The following VAV2 variants were observed in gnomAD, a reference collection of about 807,000 sequenced individuals.
VAV2 encodes the protein vav guanine nucleotide exchange factor 2.
Under a neutral mutation model 132.5 loss-of-function variants are expected in VAV2, and 67 were observed. The observed-to-expected ratio is 0.51, with a 90% CI of 0.42 to 0.62. The LOEUF (loss-of-function observed/expected upper bound fraction) is 0.62. Among genes scored for constraint, VAV2 ranks in the 20% least tolerant of loss-of-function variants. VAV2 has a pLI of 0.00. For missense variants in VAV2, 938 were observed against 1,153.6 expected (o/e 0.81, Z 2.71); for synonymous variants, 492 against 443.5 (o/e 1.11, Z -1.37).
intron 1 of VAV2, among the ~76,000 whole-genome samples, chr9:133,941,691 C>T (rs553609507): frequency 4.0e-4 from 59 of 149,144 alleles, no homozygotes; most frequent in African/African-American, 1.4e-3. Flanking sequence ...CAACCTCTGC[C>T]TCCCAGGTTC....
intron 4 of VAV2, among the ~76,000 whole-genome samples, chr9:133,818,227 A>G (rs555094631): frequency 4.9e-4 from 74 of 152,232 alleles, no homozygotes; most frequent in South Asian, 4.6e-3. Flanking sequence ...TTAGCCAGGC[A>G]TGGTGGCGGG....
At chr9:133,797,994 G>A (rs899172790) in intron 9 of VAV2, among the ~76,000 whole-genome samples, 185 bp from the exon 10 acceptor site, 7 of 152,176 alleles carry the variant, frequency 4.6e-5, no homozygotes, top group African/African-American at 7.2e-5. Flanking sequence ...CGAAGCTACC[G>A]GGCCGCAGGA....
At position 133,918,890 on chromosome 9, in the gene VAV2, C is replaced by T. The variant is rs1294761629; in HGVS notation, c.321+20213G>A. Among the ~76,000 whole-genome samples the T allele has an allele frequency of 6.6e-6, 1 of 152,128 alleles. No individual in the cohort carries two copies. The highest frequency in any genetic ancestry group is 1.5e-5 in the Non-Finnish European group (1 of 68,026). On this transcript the variant is annotated intron_variant, in intron 2 of 29. Coordinates refer to ENST00000371850, the MANE Select transcript of VAV2 (RefSeq NM_001134398.2). The surrounding 1 kb of genome is among the most constrained non-coding windows in gnomAD (Gnocchi z 4.7). Reference sequence around the variant, plus strand: ...TCCTGGGTTCAAGCGATTCCCCTACCTCAGCCTCCCAAGTAGCTGGGATTA... The same window carrying T: ...TCCTGGGTTCAAGCGATTCCCCTACTTCAGCCTCCCAAGTAGCTGGGATTA...
chr9:133,784,888 G>A (rs1177162108), intron 17 of VAV2, among the ~76,000 whole-genome samples: 2 of 152,160 alleles, frequency 1.3e-5, no homozygotes, highest in Admixed American at 1.3e-4. Flanking sequence ...GTGGGGTGGG[G>A]TGACGCGGAT....
chr9:133,837,059 C>G (rs906430818), intron 3 of VAV2, among the ~76,000 whole-genome samples: 4 of 152,184 alleles, frequency 2.6e-5, no homozygotes, highest in Non-Finnish European at 5.9e-5. Flanking sequence ...GAACCCTAGG[C>G]CCACAGCCTG....
chr9:133,770,785 C>T (rs1054165094), intron 26 of VAV2, among the ~76,000 whole-genome samples: 3 of 152,226 alleles, frequency 2.0e-5, no homozygotes, highest in Admixed American at 6.5e-5. Flanking sequence ...AATGGAAACA[C>T]TCTGTACCCA....
rs552842053 is a variant in VAV2, at chr9:133,885,020, C to T, written c.322-23588G>A. On this transcript the variant is annotated intron_variant, in intron 2 of 29. Transcript: ENST00000371850. This position sits in a 1 kb window ranked among gnomAD's most constrained non-coding sequence, Gnocchi z 5.0. ...AAAGATAATGCCAAAGGCTCCACTT[C>T]CAGGCCGATGACACCATCTGAGCCA... Among the ~76,000 whole-genome samples the T allele has an allele frequency of 1.2e-4, 18 of 152,348 alleles. No individual in the cohort carries two copies. The East Asian group carries it at 3.3e-3, about 28-fold the overall frequency.
intron 2 of VAV2, among the ~76,000 whole-genome samples, chr9:133,910,646 T>TAAA (rs377220826): frequency 1.4e-5 from 2 of 138,586 alleles, no homozygotes; most frequent in African/African-American, 5.4e-5. Flanking sequence ...CCGACTCTAC[T>TAAA]AAAAAAAAAA....
chr9:133,779,130 G>C (rs755625566), intron 21 of VAV2, among the ~76,000 whole-genome samples: 17 of 152,262 alleles, frequency 1.1e-4, no homozygotes, highest in Non-Finnish European at 2.1e-4. Flanking sequence ...ATTTTCAGAT[G>C]GCACTTTGTG....
chr9:133,895,164 CAA>C (rs1216367045), intron 2 of VAV2, among the ~76,000 whole-genome samples: 3 of 152,114 alleles, frequency 2.0e-5, no homozygotes, highest in Admixed American at 6.5e-5. Flanking sequence ...ACTCCTACAG[CAA>C]AGAGTCAACA....
rs916988061 is a variant in VAV2 at position 133,912,384 on chromosome 9, C to T, written c.321+26719G>A. Among the ~76,000 whole-genome samples, 1 of 152,224 alleles carries T rather than the reference C, an allele frequency of 6.6e-6. No individual in the cohort carries two copies. Among genetic ancestry groups the T allele is most frequent in the Admixed American group, 6.5e-5 (1 of 15,284 alleles). On this transcript the variant is annotated intron_variant, in intron 2 of 29. Transcript: ENST00000371850. The surrounding 1 kb of genome is among the most constrained non-coding windows in gnomAD (Gnocchi z 4.3). ...CGTCCAAATCCCCACAGTCCTGCCA[C>T]ACAAACGAGCCGGAGGCTTCTGGAG...
intron 1 of VAV2, among the ~76,000 whole-genome samples, chr9:133,974,709 A>G (rs555965787): frequency 6.6e-6 from 1 of 152,204 alleles, no homozygotes; most frequent in East Asian, 1.9e-4. Flanking sequence ...CCCACTCAGA[A>G]AATCCACACA....
intron 16 of VAV2, 83 bp downstream of exon 16, chr9:133,787,163 G>T: frequency 1.4e-6 from 2 of 1,421,708 alleles, no homozygotes; most frequent in African/African-American, 2.9e-5. Context: ...CAGGCCCCTG[G>T]GTCCCCTGGC....
intron 1 of VAV2, among the ~76,000 whole-genome samples, chr9:133,942,555 C>T (rs370213122): frequency 6.9e-4 from 105 of 152,380 alleles, no homozygotes; most frequent in African/African-American, 2.1e-3. Flanking sequence ...TCCAGCCTGG[C>T]GTGACTATTT....
intron 1 of VAV2, among the ~76,000 whole-genome samples, chr9:133,983,606 C>T (rs1291275664): frequency 3.9e-5 from 6 of 152,294 alleles, no homozygotes; most frequent in Non-Finnish European, 5.9e-5. Context: ...CCCACACCAA[C>T]GCCAGGATTT....
At chr9:133,960,796 C>T (rs1180102809) in intron 1 of VAV2, among the ~76,000 whole-genome samples, 1 of 152,232 alleles carries the variant, frequency 6.6e-6, no homozygotes, top group Non-Finnish European at 1.5e-5. Flanking sequence ...GAGCTGCAGC[C>T]TCCCTGAGGG....
chr9:133,803,010 T>C (rs781021959), intron 9 of VAV2, among the ~76,000 whole-genome samples: 2 of 152,158 alleles, frequency 1.3e-5, no homozygotes, highest in Non-Finnish European at 2.9e-5. Flanking sequence ...CAACCCCTAC[T>C]GGGGTTTTTG....
intron 3 of VAV2, among the ~76,000 whole-genome samples, chr9:133,851,253 G>A (rs1031122589): frequency 6.6e-6 from 1 of 152,196 alleles, no homozygotes; most frequent in African/African-American, 2.4e-5. Context: ...TTCCAGGTGG[G>A]TGCCGGGAGA....
intron 4 of VAV2, among the ~76,000 whole-genome samples, chr9:133,818,547 T>C (rs1366775050): frequency 6.6e-6 from 1 of 152,160 alleles, no homozygotes; most frequent in Non-Finnish European, 1.5e-5. Context: ...GACACATCAC[T>C]GGCTCCCTGG....
Sources: allele counts gnomAD v4.1 joint callset (sites outside exome capture counted in the v4.1 genomes callset), GRCh38; gene constraint gnomAD v4.1.1; non-coding constraint Gnocchi (gnomAD v3.1); transcripts MANE v1.5; gene names NCBI Gene and HGNC (gene_info 2026-07-23, HGNC 2026-07-21).